ZBTB41: variants seen among roughly 807,000 people sequenced by gnomAD.
ZBTB41 encodes zinc finger and BTB domain-containing protein 41.
Under a neutral mutation model 87.6 loss-of-function variants are expected in ZBTB41, and 42 were observed. The ratio of observed to expected loss-of-function variants is 0.48; its 90% CI spans 0.37 to 0.62. The LOEUF (loss-of-function observed/expected upper bound fraction) is 0.62, where lower values mean the gene tolerates loss of function less well. ZBTB41 is among the 20% of genes least tolerant of loss of function. The pLI, the probability that ZBTB41 is intolerant of heterozygous loss-of-function variation, is 0.00. For synonymous variants in ZBTB41, 364 were observed against 364.0 expected (o/e 1.00, Z 0.00); for missense variants, 799 against 1,078.9 (o/e 0.74, Z 3.63).
rs115717718 is a variant in ZBTB41, at chr1:197,169,469, G to A, written c.2074+2691C>T. Among the ~76,000 whole-genome samples, 1,222 of 152,088 alleles carry A rather than the reference G, an allele frequency of 8.0e-3. 14 individuals carry two copies. The highest frequency in any genetic ancestry group is 0.028 in the African/African-American group (1,156 of 41,540). Reference sequence around the variant, plus strand: ...AGAAAAAAAAGATTACATACTACATGATTTCACTTATATGAAGTTCAAATA... The same window carrying A: ...AGAAAAAAAAGATTACATACTACATAATTTCACTTATATGAAGTTCAAATA... On this transcript the variant is annotated intron_variant, in intron 10 of 10. Coordinates refer to ENST00000367405, the MANE Select transcript of ZBTB41 (RefSeq NM_194314.3).
chr1:197,167,387 GT>G (rs1157646219), intron 10 of ZBTB41, among the ~76,000 whole-genome samples: 1 of 152,038 alleles, frequency 6.6e-6, no homozygotes, highest in Non-Finnish European at 1.5e-5. Context: ...TAGAGAAGGG[GT>G]TTTGCCATGT....
chr1:197,184,186 C>T (rs1659827031), intron 5 of ZBTB41, among the ~76,000 whole-genome samples: 1 of 152,140 alleles, frequency 6.6e-6, no homozygotes, highest in African/African-American at 2.4e-5. Flanking sequence ...ATGAACATGT[C>T]AACTACAGTT....
At chr1:197,185,736 T>C (rs1305754186) in intron 5 of ZBTB41, among the ~76,000 whole-genome samples, 1 of 151,938 alleles carries the variant, frequency 6.6e-6, no homozygotes, top group Non-Finnish European at 1.5e-5. Context: ...TCACCAAGAG[T>C]AGTTCAACAA....
intron 4 of ZBTB41, 35 bp downstream of exon 4, chr1:197,190,727 T>C (rs755904282): frequency 7.2e-7 from 1 of 1,384,134 alleles, no homozygotes; most frequent in Non-Finnish European, 1.0e-6. Context: ...GCATTTACTT[T>C]GGTTTTCTAA....
rs1182771856 is a variant in ZBTB41 at position 197,156,435 on chromosome 1, C to A, written c.*2924G>T. 6.6e-6 allele frequency: 1 copy of A among 152,024 alleles called. No individual in the cohort carries two copies. The highest frequency in any genetic ancestry group is 6.6e-5 in the Admixed American group (1 of 15,206). The allele number at this position is 152,024 out of a possible 1,614,324, so 9.4% of individuals were successfully genotyped here. A position where few individuals can be genotyped will look rare whatever the true frequency, so the allele number is the denominator to read the frequency against. ...TATCTGCTAAAAAATTAATTTAAAA[C>A]AATAAATTATGCTCACAAAATAAAA... is the stretch of plus-strand genomic sequence containing the variant. On this transcript the variant is annotated 3_prime_UTR_variant, in exon 11 of 11. Coordinates refer to ENST00000367405, the MANE Select transcript of ZBTB41 (RefSeq NM_194314.3).
chr1:197,175,455 T>TATATATATATATATATATATATA (rs1659582827), intron 8 of ZBTB41, among the ~76,000 whole-genome samples: 1 of 144,770 alleles, frequency 6.9e-6, no homozygotes, highest in East Asian at 2.0e-4. Flanking sequence ...TATATGTCTG[T>TATATATATATATATATATATATA]ATATCAAACA....
intron 3 of ZBTB41, 67 bp downstream of exon 3, chr1:197,191,625 T>C: frequency 7.6e-7 from 1 of 1,323,414 alleles, no homozygotes; most frequent in South Asian, 1.6e-5. Context: ...ATAGATGTTT[T>C]TAGCTTTCCA....
chr1:197,199,136 G>C (rs10494750), intron 2 of ZBTB41, among the ~76,000 whole-genome samples: 11,880 of 152,108 alleles, frequency 0.078, 1,539 homozygotes, highest in African/African-American at 0.27. Context: ...GTCACTGGGA[G>C]ATGAAGAAAA....
chr1:197,194,067 G>A (rs1213676587), intron 2 of ZBTB41, among the ~76,000 whole-genome samples: 1 of 151,784 alleles, frequency 6.6e-6, no homozygotes, highest in East Asian at 1.9e-4. Flanking sequence ...TGTCCAGGCT[G>A]GAGTGCACTG....
intron 10 of ZBTB41, among the ~76,000 whole-genome samples, chr1:197,168,320 T>C (rs1211994666): frequency 6.6e-6 from 1 of 152,118 alleles, no homozygotes; most frequent in Non-Finnish European, 1.5e-5. Context: ...TAAGGAAACG[T>C]TGACCACAGG....
At chr1:197,183,776 C>G (rs916988027) in intron 5 of ZBTB41, among the ~76,000 whole-genome samples, 1 of 152,120 alleles carries the variant, frequency 6.6e-6, no homozygotes, top group African/African-American at 2.4e-5. Flanking sequence ...GGGAGCTAAG[C>G]CTTACTGCCT....
At chr1:197,178,392 A>G in intron 7 of ZBTB41, 25 bp downstream of exon 7, 1 of 1,481,708 alleles carries the variant, frequency 6.7e-7, no homozygotes, top group South Asian at 1.2e-5. Flanking sequence ...CTTACTTAAT[A>G]AAGGGAAAAA....
intron 4 of ZBTB41, 33 bp downstream of exon 4, chr1:197,190,729 G>C (rs753474396): frequency 7.0e-7 from 1 of 1,432,070 alleles, no homozygotes; most frequent in Non-Finnish European, 9.7e-7. Context: ...ATTTACTTTG[G>C]TTTTCTAATT....
chr1:197,160,294 G>A (rs1002628398), intron 10 of ZBTB41, among the ~76,000 whole-genome samples: 9 of 152,044 alleles, frequency 5.9e-5, no homozygotes, highest in African/African-American at 2.2e-4. Flanking sequence ...CTGTAATATG[G>A]AATAATAACC....
rs1210898051 is a variant in ZBTB41, at chr1:197,200,545, T to C, written c.-72A>G. Reference sequence around the variant, plus strand: ...TGATTTATAAAGGAAAACTAGATTGTCTTGGATAACAGCTTCTGAAGGGGC... The same window carrying C: ...TGATTTATAAAGGAAAACTAGATTGCCTTGGATAACAGCTTCTGAAGGGGC... On this transcript the variant is annotated 5_prime_UTR_variant, in exon 2 of 11. Transcript: ENST00000367405. 2 of 1,445,914 alleles carry C rather than the reference T, an allele frequency of 1.4e-6. No individual in the cohort carries two copies. The highest frequency in any genetic ancestry group is 1.8e-6 in the Non-Finnish European group (2 of 1,088,304). The allele number at this position is 1,445,914 out of a possible 1,614,324, so 89.6% of individuals were successfully genotyped here.
At chr1:197,196,273 T>A (rs1660159779) in intron 2 of ZBTB41, among the ~76,000 whole-genome samples, 2 of 152,164 alleles carry the variant, frequency 1.3e-5, no homozygotes, top group South Asian at 4.1e-4. Flanking sequence ...GTTATTTTTT[T>A]AAATAAACTG....
intron 9 of ZBTB41, among the ~76,000 whole-genome samples, chr1:197,174,070 C>G (rs1013128170): frequency 6.6e-6 from 1 of 152,236 alleles, no homozygotes; most frequent in South Asian, 2.1e-4. Flanking sequence ...GTACAAAACA[C>G]TTTAACTTCC....
chr1:197,162,584 G>A (rs945434538), intron 10 of ZBTB41, among the ~76,000 whole-genome samples: 2 of 152,246 alleles, frequency 1.3e-5, no homozygotes, highest in Admixed American at 1.3e-4. Context: ...ACTTATTTCA[G>A]ACTTATTTCA....
At position 197,178,434 on chromosome 1, in the gene ZBTB41, A is replaced by G; in HGVS notation, c.1755T>C (p.Arg585=). The change falls in exon 7 of 11, where the codon CGT becomes CGC. Residue 585 remains arginine, a synonymous_variant. Coordinates refer to ENST00000367405, the MANE Select transcript of ZBTB41 (RefSeq NM_194314.3). The stretch of plus-strand genomic sequence containing the variant: ...TTACTTACCTATACGAACTTCCATG[A>G]CGAAAACTTTGCCCACAAATACTAC... ...HLCSICGQSF[R]HGSSYRLHLR... The G allele has an allele frequency of 6.2e-7, 1 of 1,608,022 alleles. No individual in the cohort carries two copies. Among genetic ancestry groups the G allele is most frequent in the Middle Eastern group, 1.7e-4 (1 of 6,012 alleles).
Sources: gnomAD v4.1 joint callset for allele counts (sites outside exome capture counted in the v4.1 genomes callset) on GRCh38, gnomAD v4.1.1 for gene constraint, MANE v1.5 for transcripts, NCBI Gene and HGNC (gene_info 2026-07-23, HGNC 2026-07-21) for gene names.